The following ST18 variants were observed in gnomAD, a reference collection of about 807,000 sequenced individuals.
The protein encoded by ST18 is ST18 C2H2C-type zinc finger transcription factor, also known as suppression of tumorigenicity 18 protein.
A neutral mutation model predicts 110.0 loss-of-function variants in ST18; 50 were observed. The ratio of observed to expected loss-of-function variants is 0.45; its 90% CI spans 0.36 to 0.58. ST18 has a LOEUF of 0.58. ST18 is among the 20% of genes least tolerant of loss of function. ST18 has a pLI of 0.00. For synonymous variants in ST18, 461 were observed against 452.4 expected (o/e 1.02, Z -0.24); for missense variants, 1,306 against 1,280.1 (o/e 1.02, Z -0.31).
intron 2 of ST18, among the ~76,000 whole-genome samples, chr8:52,231,156 TA>T: frequency 6.6e-6 from 1 of 152,362 alleles, no homozygotes; most frequent in African/African-American, 2.4e-5. Flanking sequence ...TATGTGTATG[TA>T]TGCATATATA....
At chr8:52,370,238 G>C (rs1251318439) in intron 2 of ST18, among the ~76,000 whole-genome samples, 1 of 152,162 alleles carries the variant, frequency 6.6e-6, no homozygotes, top group Non-Finnish European at 1.5e-5. Context: ...TTCCTGGGAC[G>C]ACCAAGACAA....
chr8:52,229,198 A>G (rs550125187), intron 3 of ST18, among the ~76,000 whole-genome samples: 1 of 152,312 alleles, frequency 6.6e-6, no homozygotes, highest in South Asian at 2.1e-4. Context: ...TGGTGGGCTT[A>G]TTCTATGTAT....
At chr8:52,171,595 A>G (rs1447490170) in intron 10 of ST18, 197 bp downstream of exon 10, 2 of 716,902 alleles carry the variant, frequency 2.8e-6, no homozygotes, top group Middle Eastern at 2.3e-4. Context: ...AAATAGTCCA[A>G]AATTAACACA....
intron 2 of ST18, among the ~76,000 whole-genome samples, chr8:52,292,351 C>G (rs981982947): frequency 5.9e-5 from 9 of 152,032 alleles, no homozygotes; most frequent in Non-Finnish European, 1.3e-4. Context: ...GGAAGACAAA[C>G]AGAACTGGTT....
At chr8:52,247,453 T>C (rs1181712005) in intron 2 of ST18, among the ~76,000 whole-genome samples, 1 of 152,160 alleles carries the variant, frequency 6.6e-6, no homozygotes, top group Admixed American at 6.6e-5. Flanking sequence ...CTCCTTTTCA[T>C]CCACAGCGAT....
chr8:52,321,896 T>C (rs1047603801), intron 2 of ST18, among the ~76,000 whole-genome samples: 4 of 152,234 alleles, frequency 2.6e-5, no homozygotes, highest in African/African-American at 9.6e-5. Flanking sequence ...GCTTTGTTTC[T>C]AAGTCTTTAC....
intron 2 of ST18, among the ~76,000 whole-genome samples, chr8:52,230,815 CG>C (rs1564197969): frequency 1.3e-3 from 10 of 7,828 alleles, no homozygotes; most frequent in East Asian, 0.5. Context: ...TGGAAAGAGG[CG>C]AACTTCACCA....
At position 52,191,205 on chromosome 8, in the gene ST18, G is replaced by A. The variant is rs144958789; in HGVS notation, c.87-10893C>T. Among the ~76,000 whole-genome samples, 15 of 152,286 alleles carry A rather than the reference G, an allele frequency of 9.8e-5. No individual in the cohort carries two copies. In the East Asian group the frequency reaches 2.1e-3, roughly 22 times the overall value. On this transcript the variant is annotated intron_variant, in intron 8 of 25. Coordinates refer to ENST00000689386, the MANE Select transcript of ST18 (RefSeq NM_001352837.2). The stretch of plus-strand genomic sequence containing the variant: ...GGTATCTGTGCTCAGAAAAGATGCC[G>A]ATGGAATTCATGGCAAGGTCTAATA...
At chr8:52,388,519 C>T (rs1837793391) in intron 2 of ST18, among the ~76,000 whole-genome samples, 1 of 152,132 alleles carries the variant, frequency 6.6e-6, no homozygotes, top group Non-Finnish European at 1.5e-5. Context: ...AGGTTTCCAT[C>T]TGTGTTTTAA....
At chr8:52,217,242 T>C (rs1034428449) in intron 6 of ST18, among the ~76,000 whole-genome samples, 1 of 152,186 alleles carries the variant, frequency 6.6e-6, no homozygotes, top group Non-Finnish European at 1.5e-5. Flanking sequence ...TACCTCATTA[T>C]AGATGAAAAC....
Position 52,172,506 on chromosome 8 carries a change from A to G in ST18, c.355T>C (p.Tyr119His), listed in dbSNP as rs765372860. Residue 119 changes from tyrosine (Y) to histidine (H), a missense_variant, in exon 10 of 26, where the codon TAC becomes CAC. Transcript: ENST00000689386. ...ACCATGAGCTCTTGATAACAAGAGTATCTGTCTTCCTTCCTACTGGAGTTT... is the reference window on the plus strand; with the variant it reads ...ACCATGAGCTCTTGATAACAAGAGTGTCTGTCTTCCTTCCTACTGGAGTTT... ...QENSSRKEDRYSCYQELMVKS... is the reference protein window; with the variant it reads ...QENSSRKEDRHSCYQELMVKS... 4.3e-6 allele frequency: 7 copies of G among 1,613,628 alleles called. No homozygotes were observed. In the Admixed American group the frequency reaches 1.2e-4, roughly 27 times the overall value.
intron 2 of ST18, among the ~76,000 whole-genome samples, chr8:52,329,816 A>C (rs1042889664): frequency 1.8e-4 from 28 of 152,128 alleles, no homozygotes; most frequent in African/African-American, 6.5e-4. Flanking sequence ...GGTTGAACCC[A>C]AACCCAATTT....
Position 52,165,094 on chromosome 8 carries a change from A to AT in ST18, c.1295+40dup, listed in dbSNP as rs779564213. ...TTTATTGGTGGAACGTTTCTACCAC[A>AT]TTTTTTAAATGCAAAATGATTATCA... On this transcript the variant is annotated intron_variant, in intron 12 of 25. Coordinates refer to ENST00000689386, the MANE Select transcript of ST18 (RefSeq NM_001352837.2). 4.4e-5 allele frequency: 70 copies of AT among 1,602,404 alleles called. 1 individual carries two copies. The East Asian group carries it at 1.5e-3, about 35-fold the overall frequency.
chr8:52,354,857 T>C (rs1305211854), intron 2 of ST18, among the ~76,000 whole-genome samples: 1 of 152,260 alleles, frequency 6.6e-6, no homozygotes, highest in Non-Finnish European at 1.5e-5. Flanking sequence ...TGGCAGTGCT[T>C]GGTGCTAGAG....
chr8:52,260,042 G>A (rs16917575), intron 2 of ST18, among the ~76,000 whole-genome samples: 8,588 of 152,236 alleles, frequency 0.056, 817 homozygotes, highest in African/African-American at 0.2. Context: ...GATGTCATCA[G>A]TAAGAAACCT....
intron 2 of ST18, among the ~76,000 whole-genome samples, chr8:52,355,881 C>G (rs1822501014): frequency 6.6e-6 from 1 of 152,172 alleles, no homozygotes; most frequent in Non-Finnish European, 1.5e-5. Flanking sequence ...TTCATTTCAT[C>G]TGACTTGAAG....
intron 8 of ST18, among the ~76,000 whole-genome samples, chr8:52,185,317 A>C (rs1186150768): frequency 5.3e-5 from 8 of 152,202 alleles, no homozygotes; most frequent in Non-Finnish European, 1.5e-5. Context: ...CATGGATGAA[A>C]AGACTCAGTA....
At chr8:52,235,426 T>C (rs1363819418) in intron 2 of ST18, among the ~76,000 whole-genome samples, 1 of 152,154 alleles carries the variant, frequency 6.6e-6, no homozygotes, top group Non-Finnish European at 1.5e-5. Flanking sequence ...TCTCTGCTTC[T>C]CTTTCATAAG....
chr8:52,270,894 A>G (rs1021193924), intron 2 of ST18, among the ~76,000 whole-genome samples: 11 of 151,682 alleles, frequency 7.3e-5, no homozygotes, highest in African/African-American at 2.4e-4. Flanking sequence ...TGACTCAATC[A>G]AGTGGTTATA....
Sources: gnomAD v4.1 joint callset for allele counts (sites outside exome capture counted in the v4.1 genomes callset) on GRCh38, gnomAD v4.1.1 for gene constraint, MANE v1.5 for transcripts, NCBI Gene and HGNC (gene_info 2026-07-23, HGNC 2026-07-21) for gene names.